ANKRD44: variants seen among roughly 807,000 people sequenced by gnomAD.
ANKRD44 encodes serine/threonine-protein phosphatase 6 regulatory ankyrin repeat subunit B.
ANKRD44 carries 35 observed loss-of-function variants against 116.0 expected under a neutral mutation model. The ratio of observed to expected loss-of-function variants is 0.30; its 90% CI spans 0.23 to 0.40. The LOEUF (loss-of-function observed/expected upper bound fraction) is 0.40. ANKRD44 is among the 10% of genes least tolerant of loss of function. The probability of loss-of-function intolerance (pLI) is 1.00; values close to 1 mark genes in which losing one functional copy is unlikely to be tolerated. For missense variants in ANKRD44, 1,014 were observed against 1,242.6 expected, an observed-to-expected ratio of 0.82 and a Z score of 2.77; for synonymous variants, 435 against 461.8, an observed-to-expected ratio of 0.94 and a Z score of 0.74.
At chr2:197,102,963 C>T (rs921673936) in intron 9 of ANKRD44, among the ~76,000 whole-genome samples, 17 of 151,902 alleles carry the variant, frequency 1.1e-4, no homozygotes, top group South Asian at 2.1e-4. Context: ...GGCGTGGTGG[C>T]TCATGCCTGT....
intron 5 of ANKRD44, 36 bp downstream of exon 5, chr2:197,125,800 AG>A (rs1222003935): frequency 1.2e-6 from 2 of 1,603,052 alleles, no homozygotes; most frequent in Non-Finnish European, 1.7e-6. Flanking sequence ...AAAGTCCTGG[AG>A]GGAGCGTTCC....
At chr2:197,125,761 G>A (rs977363418) in intron 5 of ANKRD44, 76 bp downstream of exon 5, 1 of 1,455,924 alleles carries the variant, frequency 6.9e-7, no homozygotes, top group African/African-American at 1.4e-5. Flanking sequence ...TAAAATCTCA[G>A]CAAGAAGATC....
intron 1 of ANKRD44, among the ~76,000 whole-genome samples, chr2:197,196,112 T>C (rs751713666): frequency 1.9e-4 from 29 of 152,250 alleles, no homozygotes; most frequent in Non-Finnish European, 3.1e-4. Flanking sequence ...AAAATTGGTA[T>C]AGAGGTTTTA....
chr2:197,306,562 T>C (rs1264371318), intron 1 of ANKRD44, among the ~76,000 whole-genome samples: 1 of 152,192 alleles, frequency 6.6e-6, no homozygotes, highest in African/African-American at 2.4e-5. Context: ...GAAAAGGTTC[T>C]AAATAAAGCC....
chr2:197,302,251 T>C (rs2083932473), intron 1 of ANKRD44: 1 of 152,346 alleles, frequency 6.6e-6, no homozygotes, highest in African/African-American at 2.4e-5. Flanking sequence ...AACTGGAAGT[T>C]TTTGAGCAGG....
chr2:197,247,723 C>T (rs964019877), intron 1 of ANKRD44, among the ~76,000 whole-genome samples: 10 of 152,310 alleles, frequency 6.6e-5, no homozygotes, highest in Middle Eastern at 3.4e-3. Context: ...GGAGGCAAGA[C>T]AAGAACCCAA....
chr2:197,232,919 G>C (rs1283492907), intron 1 of ANKRD44, among the ~76,000 whole-genome samples: 1 of 152,186 alleles, frequency 6.6e-6, no homozygotes, highest in Non-Finnish European at 1.5e-5. Context: ...AAAATATTTT[G>C]CAAGACAGTT....
intron 1 of ANKRD44, among the ~76,000 whole-genome samples, chr2:197,217,509 T>C (rs2081477671): frequency 6.6e-6 from 1 of 152,200 alleles, no homozygotes; most frequent in Non-Finnish European, 1.5e-5. Context: ...TAATAGACTC[T>C]CCTGCAGAGG....
At chr2:197,106,969 T>G (rs1289507710) in intron 9 of ANKRD44, among the ~76,000 whole-genome samples, 1 of 151,600 alleles carries the variant, frequency 6.6e-6, no homozygotes, top group Non-Finnish European at 1.5e-5. Context: ...TTTGAAAATT[T>G]TTAAAACTTG....
intron 1 of ANKRD44, among the ~76,000 whole-genome samples, chr2:197,280,978 G>A (rs1417716363): frequency 6.6e-6 from 1 of 151,716 alleles, no homozygotes; most frequent in African/African-American, 2.4e-5. Flanking sequence ...AAAATAAACA[G>A]TCTTTCACTA....
intron 16 of ANKRD44, among the ~76,000 whole-genome samples, chr2:197,044,683 T>C (rs1310524369): frequency 1.3e-5 from 2 of 152,176 alleles, no homozygotes; most frequent in East Asian, 1.9e-4. Flanking sequence ...TTTAAGTATA[T>C]GCCTGAAAAG....
intron 27 of ANKRD44, chr2:196,990,138 G>A: frequency 1.0e-6 from 1 of 987,792 alleles, no homozygotes; most frequent in Non-Finnish European, 1.2e-6. Context: ...ACTATAGAGA[G>A]GATATAAATA....
At chr2:197,147,500 T>C (rs1327170113) in intron 2 of ANKRD44, among the ~76,000 whole-genome samples, 1 of 151,978 alleles carries the variant, frequency 6.6e-6, no homozygotes, top group Non-Finnish European at 1.5e-5. Context: ...ATTTTCTTTC[T>C]AAGGAAACAT....
chr2:197,020,814 T>C (rs1386349968), intron 17 of ANKRD44, among the ~76,000 whole-genome samples: 1 of 140,748 alleles, frequency 7.1e-6, no homozygotes, highest in African/African-American at 3.3e-5. Context: ...TTATTATTAT[T>C]ATACTTTAAG....
At chr2:197,214,357 A>T (rs1007280742) in intron 1 of ANKRD44, among the ~76,000 whole-genome samples, 3 of 152,082 alleles carry the variant, frequency 2.0e-5, no homozygotes, top group Non-Finnish European at 2.9e-5. Flanking sequence ...GTGACAATTT[A>T]AAAAAAACAG....
At chr2:197,078,658 A>G (rs1553502913) in intron 16 of ANKRD44, 45 bp downstream of exon 16, 4 of 1,542,248 alleles carry the variant, frequency 2.6e-6, no homozygotes, top group South Asian at 1.2e-5. Flanking sequence ...GATTTGGGGT[A>G]TGTGTGTGTG....
intron 1 of ANKRD44, among the ~76,000 whole-genome samples, chr2:197,309,497 G>C (rs1055404676): frequency 6.6e-6 from 1 of 152,214 alleles, no homozygotes; most frequent in African/African-American, 2.4e-5. Flanking sequence ...TCAGTTGCAA[G>C]ATGTTCTGGC....
At chr2:197,278,195 G>C (rs988122202) in intron 1 of ANKRD44, among the ~76,000 whole-genome samples, 10 of 152,088 alleles carry the variant, frequency 6.6e-5, no homozygotes, top group Non-Finnish European at 1.5e-4. Flanking sequence ...GTGCTAAGGG[G>C]TTAAGGGGTG....
In ANKRD44 at chr2:196,997,659, G is replaced by A. The variant is rs570949614; in HGVS notation, c.2748+678C>T. Among the ~76,000 whole-genome samples the A allele has an allele frequency of 9.2e-5, 14 of 152,012 alleles. No homozygotes were observed. In the South Asian group the frequency reaches 1.0e-3, roughly 11 times the overall value. On this transcript the variant is annotated intron_variant, in intron 25 of 27. Transcript: ENST00000282272. ...AGACAGGGTTTCTCCATTATGGTCA[G>A]GCTGGTCTCGAACTCCCGACCTCAG...
Sources: allele counts gnomAD v4.1 joint callset (sites outside exome capture counted in the v4.1 genomes callset), GRCh38; gene constraint gnomAD v4.1.1; transcripts MANE v1.5; gene names NCBI Gene and HGNC (gene_info 2026-07-23, HGNC 2026-07-21).